Variants in SH3BGRL3 observed in about 807,000 individuals in gnomAD.
The protein encoded by SH3BGRL3 is SH3 domain-binding glutamic acid-rich-like protein 3.
Under a neutral mutation model 11.9 loss-of-function variants are expected in SH3BGRL3, and 8 were observed. The ratio of observed to expected loss-of-function variants is 0.67; its 90% confidence interval spans 0.40 to 1.22. The LOEUF is 1.22. SH3BGRL3 is among the 50% of genes most tolerant of loss of function. The pLI is 0.01. For missense variants in SH3BGRL3, 119 were observed against 120.1 expected, an observed-to-expected ratio of 0.99 and a Z score of 0.04; for synonymous variants, 55 against 52.3, an observed-to-expected ratio of 1.05 and a Z score of -0.22.
intron 1 of SH3BGRL3, 51 bp downstream of exon 1, chr1:26,280,254 G>C: frequency 6.9e-7 from 1 of 1,449,422 alleles, no homozygotes; most frequent in Non-Finnish European, 9.1e-7. Context: ...GCTGTATCCC[G>C]GTGCTTTGGA....
Position 26,281,142 on chromosome 1 carries a change from TC to T in SH3BGRL3, c.*23del. ...GGCTTGAGTCAAGCCTGTCCAGAGT[TC>T]CCCTGCTGGACTCCATCACCACACT... On this transcript the variant is annotated 3_prime_UTR_variant, in exon 3 of 3. Transcript: ENST00000270792. 1 of 1,611,104 alleles carries T rather than the reference TC, an allele frequency of 6.2e-7. No homozygotes were observed. Among genetic ancestry groups the T allele is most frequent in the South Asian group, 1.1e-5 (1 of 90,680 alleles).
In SH3BGRL3 at chr1:26,280,198, C is replaced by T. The variant is rs1202962518; in HGVS notation, c.43C>T (p.Arg15Cys). Residue 15 changes from arginine to cysteine, a missense_variant, in exon 1 of 3, where the codon CGC (arginine) becomes TGC (cysteine). Coordinates refer to ENST00000270792, the MANE Select transcript of SH3BGRL3 (RefSeq NM_031286.4). ...RVYSTSVTGS[R>C]EIKSQQSEVT... ...CTACAGCACGTCGGTCACCGGCTCC[C>T]GCGAAGTAAGTGCGCGCCCGGACTG... 4 of 1,547,214 alleles carry T rather than the reference C, an allele frequency of 2.6e-6. No individual in the cohort carries two copies. Among genetic ancestry groups the T allele is most frequent in the South Asian group, 1.2e-5 (1 of 83,820 alleles).
intron 1 of SH3BGRL3, 147 bp from the exon 2 acceptor site, chr1:26,280,618 C>A: frequency 1.1e-6 from 1 of 910,124 alleles, no homozygotes; most frequent in Non-Finnish European, 1.7e-6. Flanking sequence ...CTCATCCTCC[C>A]AACTCCTAGA....
intron 1 of SH3BGRL3, 31 bp from the exon 2 acceptor site, chr1:26,280,734 C>A: frequency 6.2e-7 from 1 of 1,611,212 alleles, no homozygotes; most frequent in East Asian, 2.2e-5. Flanking sequence ...TCCAGCCTAT[C>A]CACTAACCCC....
chr1:26,280,447 C>G (rs1009983096), intron 1 of SH3BGRL3, among the ~76,000 whole-genome samples: 4 of 152,064 alleles, frequency 2.6e-5, no homozygotes, highest in Non-Finnish European at 1.5e-5. Flanking sequence ...CAACCCCACA[C>G]CCATTCTCTG....
At chr1:26,280,956 T>TGGGGGGGGGGGGGGGGG in intron 2 of SH3BGRL3, 24 bp downstream of exon 2, 2 of 764,914 alleles carry the variant, frequency 2.6e-6, no homozygotes, top group Non-Finnish European at 2.1e-6. Flanking sequence ...GACGGGGGGG[T>TGGGGGGGGGGGGGGGGG]GGGGGGAGTG....
Position 26,281,155 on chromosome 1 carries a change from T to G in SH3BGRL3, c.*32T>G. The G allele has an allele frequency of 6.2e-7, 1 of 1,603,124 alleles. No individual in the cohort carries two copies. Among genetic ancestry groups the G allele is most frequent in the South Asian group, 1.1e-5 (1 of 90,088 alleles). Reference sequence around the variant, plus strand: ...CCTGTCCAGAGTTCCCCTGCTGGACTCCATCACCACACTCCCCCCAGCCTT... The same window carrying G: ...CCTGTCCAGAGTTCCCCTGCTGGACGCCATCACCACACTCCCCCCAGCCTT... On this transcript the variant is annotated 3_prime_UTR_variant, in exon 3 of 3. Transcript: ENST00000270792.
Position 26,281,404 on chromosome 1 carries a change from T to A in SH3BGRL3, c.*281T>A. On this transcript the variant is annotated 3_prime_UTR_variant, in exon 3 of 3. Coordinates refer to ENST00000270792, the MANE Select transcript of SH3BGRL3 (RefSeq NM_031286.4). ...CAAGCATTGGGGCCGCCATCCTGCC[T>A]GGCACTGGCTGATGGGCACCTCTGT... is the stretch of plus-strand genomic sequence containing the variant. The A allele has an allele frequency of 2.7e-6, 1 of 369,454 alleles. No individual in the cohort carries two copies. Among genetic ancestry groups the A allele is most frequent in the Admixed American group, 4.3e-5 (1 of 23,136 alleles). 22.9% of individuals were successfully genotyped at this position (369,454 alleles called of 1,614,324 possible). A position where few individuals can be genotyped will look rare whatever the true frequency, so the allele number is the denominator to read the frequency against.
intron 1 of SH3BGRL3, among the ~76,000 whole-genome samples, 197 bp downstream of exon 1, chr1:26,280,400 G>T (rs932412754): frequency 1.3e-5 from 2 of 151,992 alleles, no homozygotes; most frequent in South Asian, 4.1e-4. Context: ...TGGGTCCTTT[G>T]CAGCCGCGGC....
At position 26,280,810 on chromosome 1, in the gene SH3BGRL3, C is replaced by T. The variant is rs373102479; in HGVS notation, c.94C>T (p.Arg32Cys). The change falls in exon 2 of 3, where the codon CGC (arginine) becomes TGC (cysteine). Residue 32 changes from arginine to cysteine, a missense_variant. Coordinates refer to ENST00000270792, the MANE Select transcript of SH3BGRL3 (RefSeq NM_031286.4). ...SEVTRILDGK[R>C]IQYQLVDISQ... Reference sequence around the variant, plus strand: ...GGTGACCCGAATCCTGGATGGGAAGCGCATCCAATACCAGCTAGTGGACAT... The same window carrying T: ...GGTGACCCGAATCCTGGATGGGAAGTGCATCCAATACCAGCTAGTGGACAT... 3.3e-5 allele frequency: 53 copies of T among 1,613,944 alleles called. No individual in the cohort carries two copies. Among genetic ancestry groups the T allele is most frequent in the Non-Finnish European group, 4.3e-5 (51 of 1,180,020 alleles).
Position 26,280,948 on chromosome 1 carries a change from C to CG in SH3BGRL3, c.216+23dup, listed in dbSNP as rs371209834. 1,034 of 683,556 alleles carry CG rather than the reference C, an allele frequency of 1.5e-3. 2 individuals are homozygous for CG. Among genetic ancestry groups the CG allele is most frequent in the African/African-American group, 4.7e-3 (248 of 52,560 alleles). 42.3% of individuals were successfully genotyped at this position (683,556 alleles called of 1,614,324 possible). ...GTACTGTGGGGTATGGGCTGGGGGA[C>CG]GGGGGGGTGGGGGGAGTGTTGGAAG... On this transcript the variant is annotated intron_variant, in intron 2 of 2. Transcript: ENST00000270792.
rs968470670 is a variant in SH3BGRL3, at chr1:26,280,883, A to G, written c.167A>G (p.Asn56Ser). 19 of 1,451,240 alleles carry G rather than the reference A, an allele frequency of 1.3e-5. 3 individuals are homozygous for G. In the South Asian group the frequency reaches 2.1e-4, roughly 16 times the overall value. 89.9% of individuals were successfully genotyped at this position (1,451,240 alleles called of 1,614,324 possible). Reference sequence around the variant, plus strand: ...GATGAGATGCGAGCCTTGGCAGGCAACCCCAAGGCCACCCCACCCCAGATT... The same window carrying G: ...GATGAGATGCGAGCCTTGGCAGGCAGCCCCAAGGCCACCCCACCCCAGATT... ...LRDEMRALAG[N>S]PKATPPQIVN... is the part of the protein sequence containing the mutation. The change falls in exon 2 of 3, where the codon AAC (asparagine) becomes AGC (serine). Residue 56 changes from asparagine (N) to serine (S), a missense_variant. Asn to Ser is a conservative substitution (Grantham distance 46). Coordinates refer to ENST00000270792, the MANE Select transcript of SH3BGRL3 (RefSeq NM_031286.4).
rs371998017 is a variant in SH3BGRL3, at chr1:26,280,131, G to A, written c.-25G>A. The stretch of plus-strand genomic sequence containing the variant: ...CTGCCGCTACCGCCGCCCTCTGCCC[G>A]CCGGCCCGTCTGTCTACCCCCAGCA... On this transcript the variant is annotated 5_prime_UTR_variant, in exon 1 of 3. Transcript: ENST00000270792. 38 of 1,557,364 alleles carry A rather than the reference G, an allele frequency of 2.4e-5. No individual in the cohort carries two copies. The African/African-American group carries it at 3.8e-4, about 16-fold the overall frequency.
chr1:26,280,990 T>A (rs548948668), intron 2 of SH3BGRL3, 58 bp downstream of exon 2: 1 of 1,608,320 alleles, frequency 6.2e-7, no homozygotes, highest in East Asian at 2.2e-5. Flanking sequence ...CTAGCCAGGG[T>A]CATATCTGCC....
chr1:26,280,947 A>AC lies in SH3BGRL3; in HGVS notation c.216+16dup. ...AGTACTGTGGGGTATGGGCTGGGGG[A>AC]CGGGGGGGTGGGGGGAGTGTTGGAA... On this transcript the variant is annotated intron_variant, in intron 2 of 2. Transcript: ENST00000270792. 1.3e-6 allele frequency: 1 copy of AC among 780,788 alleles called. No individual in the cohort carries two copies. Among genetic ancestry groups the AC allele is most frequent in the Non-Finnish European group, 2.1e-6 (1 of 474,290 alleles). 48.4% of individuals were successfully genotyped at this position (780,788 alleles called of 1,614,324 possible). A position where few individuals can be genotyped will look rare whatever the true frequency, so the allele number is the denominator to read the frequency against.
chr1:26,281,017 C>A, intron 2 of SH3BGRL3, 41 bp from the exon 3 acceptor site: 1 of 1,611,464 alleles, frequency 6.2e-7, no homozygotes, highest in Non-Finnish European at 8.5e-7. Flanking sequence ...CACTTGGGCC[C>A]CCTGCATTCA....
rs553329135 is a variant in SH3BGRL3 at position 26,281,249 on chromosome 1, C to T, written c.*126C>T. 6.2e-6 allele frequency: 5 copies of T among 811,146 alleles called. No individual in the cohort carries two copies. The highest frequency in any genetic ancestry group is 9.8e-6 in the Non-Finnish European group (5 of 510,446). The allele number at this position is 811,146 out of a possible 1,614,324, so 50.2% of individuals were successfully genotyped here. ...TAACCTAACCTTAGAGTCCCTCCCC[C>T]AATGCAGGCCACTTCTCCTCCCTCC... On this transcript the variant is annotated 3_prime_UTR_variant, in exon 3 of 3. Coordinates refer to ENST00000270792, the MANE Select transcript of SH3BGRL3 (RefSeq NM_031286.4).
At chr1:26,280,499 GCCCTC>G (rs200276809) in intron 1 of SH3BGRL3, among the ~76,000 whole-genome samples, 11 of 150,662 alleles carry the variant, frequency 7.3e-5, no homozygotes, top group East Asian at 1.9e-4. Flanking sequence ...ACCGCAGCCT[GCCCTC>G]CCCTCCCCTC....
chr1:26,280,088 C>G lies in SH3BGRL3; in HGVS notation c.-68C>G. On this transcript the variant is annotated 5_prime_UTR_variant, in exon 1 of 3. Transcript: ENST00000270792. The stretch of plus-strand genomic sequence containing the variant: ...CCGCTCCCGAGCACGGCGGCGGCGT[C>G]GTCTCCCGGCAGTGCAGCTGCCGCT... 6.5e-7 allele frequency: 1 copy of G among 1,531,440 alleles called. No individual in the cohort carries two copies. Among genetic ancestry groups the G allele is most frequent in the Non-Finnish European group, 8.8e-7 (1 of 1,132,576 alleles). 94.9% of individuals were successfully genotyped at this position (1,531,440 alleles called of 1,614,324 possible).
Sources: allele counts gnomAD v4.1 joint callset (sites outside exome capture counted in the v4.1 genomes callset), GRCh38; gene constraint gnomAD v4.1.1; transcripts MANE v1.5; gene names NCBI Gene and HGNC (gene_info 2026-07-23, HGNC 2026-07-21).